NRXN1: variants seen among roughly 807,000 people sequenced by gnomAD.
NRXN1 encodes neurexin-1.
NRXN1 carries 39 observed loss-of-function variants against 150.9 expected under a neutral mutation model. The ratio of observed to expected loss-of-function variants is 0.26; its 90% CI spans 0.20 to 0.34. The LOEUF (loss-of-function observed/expected upper bound fraction) is 0.34, where lower values mean the gene tolerates loss of function less well. Ranked by LOEUF, NRXN1 falls within the 10% of genes least tolerant of loss-of-function variation. The pLI is 1.00. For synonymous variants in NRXN1, 924 were observed against 757.0 expected (o/e 1.22, Z -3.62); for missense variants, 1,815 against 1,949.9 (o/e 0.93, Z 1.30).
At chr2:50,321,242 C>A (rs181693390) in intron 17 of NRXN1, among the ~76,000 whole-genome samples, 346 of 152,262 alleles carry the variant, frequency 2.3e-3, no homozygotes, top group African/African-American at 8.2e-3. Flanking sequence ...TACACCAAAG[C>A]GATATATAAA....
chr2:50,107,540 T>TA (rs1553617159), intron 18 of NRXN1, among the ~76,000 whole-genome samples: 28,432 of 109,654 alleles, frequency 0.26, 3,130 homozygotes, highest in Non-Finnish European at 0.3. Flanking sequence ...TATATATATA[T>TA]TTTTTTTTTT....
At chr2:50,676,440 G>C (rs2104764478) in intron 5 of NRXN1, among the ~76,000 whole-genome samples, 2 of 152,162 alleles carry the variant, frequency 1.3e-5, no homozygotes, top group East Asian at 3.9e-4. Flanking sequence ...TTTTAGCGTA[G>C]AATGTCTGGG....
At chr2:50,515,349 A>G (rs745469216) in intron 12 of NRXN1, among the ~76,000 whole-genome samples, 22 of 152,326 alleles carry the variant, frequency 1.4e-4, no homozygotes, top group Middle Eastern at 3.4e-3. Context: ...ATTTCATTAT[A>G]TATTACAATG....
chr2:50,582,475 C>T (rs1672419172), intron 8 of NRXN1, among the ~76,000 whole-genome samples: 1 of 54,164 alleles, frequency 1.8e-5, no homozygotes, highest in African/African-American at 9.5e-5. Context: ...TGAGACTCGT[C>T]TCCAAAAAAA....
intron 5 of NRXN1, among the ~76,000 whole-genome samples, chr2:50,804,782 C>T (rs1364741482): frequency 6.6e-6 from 1 of 152,224 alleles, no homozygotes; most frequent in East Asian, 1.9e-4. Context: ...CTTCAAACAT[C>T]TGCAGCTATG....
At chr2:50,402,723 G>A (rs1365144962) in intron 17 of NRXN1, among the ~76,000 whole-genome samples, 1 of 152,090 alleles carries the variant, frequency 6.6e-6, no homozygotes, top group Non-Finnish European at 1.5e-5. Context: ...GGGAAGGATT[G>A]TTTTATGCGT....
chr2:49,946,180 C>A (rs1163340718), intron 21 of NRXN1, among the ~76,000 whole-genome samples: 1 of 152,064 alleles, frequency 6.6e-6, no homozygotes, highest in Non-Finnish European at 1.5e-5. Flanking sequence ...GTATAAATGT[C>A]TTCTTTTGAA....
At chr2:50,470,483 A>G (rs1573111405) in intron 16 of NRXN1, among the ~76,000 whole-genome samples, 1 of 151,826 alleles carries the variant, frequency 6.6e-6, no homozygotes, top group East Asian at 1.9e-4. Flanking sequence ...ATTTCACCTA[A>G]CATTTCATGG....
At chr2:50,896,638 G>T (rs1682001389) in intron 5 of NRXN1, among the ~76,000 whole-genome samples, 1 of 152,130 alleles carries the variant, frequency 6.6e-6, no homozygotes, top group Admixed American at 6.5e-5. Flanking sequence ...CTTAAAATCA[G>T]GAGTTCAAGA....
chr2:50,239,685 T>C lies in NRXN1; in HGVS notation c.3365-2715A>G, dbSNP rs1346098275. On this transcript the variant is annotated intron_variant, in intron 17 of 22. Transcript: ENST00000401669. The stretch of plus-strand genomic sequence containing the variant: ...CAGTATATATATATATATATATATA[T>C]ATATATATATATATATATATATATA... Among the ~76,000 whole-genome samples, 78 of 95,784 alleles carry C rather than the reference T, an allele frequency of 8.1e-4. 4 individuals carry two copies. The South Asian group carries it at 0.022, about 27-fold the overall frequency. The allele number at this position is 95,784 out of a possible 152,430, so 62.8% of individuals were successfully genotyped here. A position where few individuals can be genotyped will look rare whatever the true frequency, so the allele number is the denominator to read the frequency against.
chr2:50,969,201 A>G (rs1694607003), intron 2 of NRXN1, among the ~76,000 whole-genome samples: 1 of 151,916 alleles, frequency 6.6e-6, no homozygotes, highest in Non-Finnish European at 1.5e-5. Context: ...TACTGTTTTT[A>G]TTTTCTGCGG....
chr2:50,465,315 C>T, intron 17 of NRXN1, 127 bp downstream of exon 17: 1 of 825,286 alleles, frequency 1.2e-6, no homozygotes, highest in East Asian at 3.2e-5. Flanking sequence ...GAAACAACTG[C>T]TTCTATGGGT....
intron 12 of NRXN1, among the ~76,000 whole-genome samples, chr2:50,523,792 C>T (rs892305295): frequency 4.6e-5 from 7 of 152,144 alleles, no homozygotes; most frequent in Admixed American, 4.6e-4. Context: ...CTTAGATGCC[C>T]CTTCTCTCCA....
chr2:50,608,545 A>AGTTGC (rs373689963), intron 8 of NRXN1, among the ~76,000 whole-genome samples: 61,406 of 151,684 alleles, frequency 0.4, 12,836 homozygotes, highest in East Asian at 0.57. Flanking sequence ...GTCCTTGTTT[A>AGTTGC]AAAATTGTTC....
At position 50,697,454 on chromosome 2, in the gene NRXN1, G is replaced by A. The variant is rs1412990282; in HGVS notation, c.833-73839C>T. On this transcript the variant is annotated intron_variant, in intron 5 of 22. Coordinates refer to ENST00000401669, the MANE Select transcript of NRXN1 (RefSeq NM_001330078.2). ...ACTTGACAAGTTAGAGAAATGGTCA[G>A]ATAGAGAAATGGATTTTAATCAGAC... Among the ~76,000 whole-genome samples the A allele has an allele frequency of 2.6e-5, 4 of 152,186 alleles. No individual in the cohort carries two copies. The East Asian group carries it at 7.7e-4, about 29-fold the overall frequency.
chr2:50,476,715 T>A (rs1348179480), intron 15 of NRXN1, among the ~76,000 whole-genome samples: 1 of 152,158 alleles, frequency 6.6e-6, no homozygotes, highest in Non-Finnish European at 1.5e-5. Flanking sequence ...CATGATATTT[T>A]TTCTATTGGA....
chr2:50,698,814 T>G (rs1054551554), intron 5 of NRXN1, among the ~76,000 whole-genome samples: 1 of 152,206 alleles, frequency 6.6e-6, no homozygotes, highest in African/African-American at 2.4e-5. Context: ...ATCCATGCTT[T>G]TGCTATTCAT....
chr2:50,707,369 A>G (rs1013233749), intron 5 of NRXN1, among the ~76,000 whole-genome samples: 1 of 152,214 alleles, frequency 6.6e-6, no homozygotes, highest in Non-Finnish European at 1.5e-5. Context: ...CTAGTTAAAA[A>G]TAATTCTGAA....
At chr2:50,232,387 CTTTT>C (rs56846249) in intron 18 of NRXN1, among the ~76,000 whole-genome samples, 5 of 55,226 alleles carry the variant, frequency 9.1e-5, no homozygotes, top group African/African-American at 1.9e-4. Flanking sequence ...CTTTTCTTTT[CTTTT>C]TTTTTTTTTT....
Sources: allele counts gnomAD v4.1 joint callset (sites outside exome capture counted in the v4.1 genomes callset), GRCh38; gene constraint gnomAD v4.1.1; transcripts MANE v1.5; gene names NCBI Gene and HGNC (gene_info 2026-07-23, HGNC 2026-07-21).